The following FBXO34 variants were observed in gnomAD, a reference collection of about 807,000 sequenced individuals.
FBXO34 encodes F-box protein 34, also known as F-box only protein 34.
In FBXO34, 12 loss-of-function variants were observed where a neutral mutation model predicts 24.5. The ratio of observed to expected loss-of-function variants is 0.49; its 90% CI spans 0.31 to 0.79. FBXO34 has a LOEUF of 0.79. FBXO34 is among the 30% of genes least tolerant of loss of function. The pLI is 0.04. For missense variants in FBXO34, 823 were observed against 857.7 expected, an observed-to-expected ratio of 0.96 and a Z score of 0.51; for synonymous variants, 320 against 311.9, an observed-to-expected ratio of 1.03 and a Z score of -0.27.
downstream of FBXO34, among the ~76,000 whole-genome samples, chr14:55,363,994 G>T (rs959854208): frequency 2.0e-5 from 3 of 151,764 alleles, no homozygotes; most frequent in African/African-American, 7.3e-5. Flanking sequence ...GCCCAGGCTG[G>T]ACTGCAATGG....
the FBXO34 span, chr14:55,436,959 G>A: frequency 1.3e-3 from 2,176 of 1,614,212 alleles, 27 homozygotes; most frequent in African/African-American, 0.025. Context: ...CATTCAGTAT[G>A]TACATATCAT....
the FBXO34 span, among the ~76,000 whole-genome samples, chr14:55,428,501 C>T: frequency 6.6e-6 from 1 of 152,100 alleles, no homozygotes; most frequent in African/African-American, 2.4e-5. Flanking sequence ...CTGTCATCAC[C>T]TTTGAGCTTT....
chr14:55,323,719 C>T (rs745412993), intron 1 of FBXO34, among the ~76,000 whole-genome samples: 18 of 152,274 alleles, frequency 1.2e-4, no homozygotes, highest in Admixed American at 7.2e-4. Context: ...TATCTTTTCA[C>T]TCAGAGATCC....
intron 1 of FBXO34, among the ~76,000 whole-genome samples, chr14:55,289,703 T>TTTTA (rs752651311): frequency 7.5e-4 from 114 of 152,062 alleles, no homozygotes; most frequent in Non-Finnish European, 1.0e-3. Flanking sequence ...GTCCAGCTAG[T>TTTTA]TTTATTTATT....
At chr14:55,381,476 G>A in the FBXO34 span, among the ~76,000 whole-genome samples, 35 of 152,070 alleles carry the variant, frequency 2.3e-4, no homozygotes, top group Non-Finnish European at 4.7e-4. Context: ...CCCCCAAAAG[G>A]TGAGACATCT....
In FBXO34 at chr14:55,351,068, A is replaced by G. The variant is rs199674550; in HGVS notation, c.678A>G (p.Ser226=). The G allele has an allele frequency of 3.4e-5, 55 of 1,614,214 alleles. No individual in the cohort carries two copies. In the African/African-American group the frequency reaches 3.6e-4, roughly 11 times the overall value. The part of the protein sequence containing the change: ...QRASALLASC[S]KNCTNSPAIV... ...CCAGTGCTCTGCTAGCTAGCTGTTC[A>G]AAAAACTGCACAAACTCACCTGCAA... Residue 226 remains serine (S), a synonymous_variant, in exon 2 of 2, where the codon TCA becomes TCG. Coordinates refer to ENST00000313833, the MANE Select transcript of FBXO34 (RefSeq NM_017943.4).
At position 55,345,468 on chromosome 14, in the gene FBXO34, C is replaced by CT. The variant is rs578039234; in HGVS notation, c.-10-4912dup. ...GGCTTAGCTTAGAAAATCAGGACTT[C>CT]TCTGACCTGTTCCTATACCCTCAGG... On this transcript the variant is annotated intron_variant, in intron 1 of 1. Transcript: ENST00000313833. Among the ~76,000 whole-genome samples, 311 of 152,326 alleles carry CT rather than the reference C, an allele frequency of 2.0e-3. 2 individuals carry two copies. The highest frequency in any genetic ancestry group is 3.7e-3 in the Non-Finnish European group (252 of 68,016).
chr14:55,323,199 A>T lies in FBXO34; in HGVS notation c.-10-27182A>T, dbSNP rs1243955520. On this transcript the variant is annotated intron_variant, in intron 1 of 1. Coordinates refer to ENST00000313833, the MANE Select transcript of FBXO34 (RefSeq NM_017943.4). ...GACTCTGTCTCAAAAAAAAAAAAAAAAAAAAAAAAAAAAAAAAAAATATAT... is the reference window on the plus strand; with the variant it reads ...GACTCTGTCTCAAAAAAAAAAAAAATAAAAAAAAAAAAAAAAAAAATATAT... Among the ~76,000 whole-genome samples, 46 of 43,162 alleles carry T rather than the reference A, an allele frequency of 1.1e-3. 9 individuals carry two copies. The highest frequency in any genetic ancestry group is 7.8e-3 in the African/African-American group (28 of 3,608). The allele number at this position is 43,162 out of a possible 152,430, so 28.3% of individuals were successfully genotyped here.
chr14:55,292,677 A>T (rs964142923), intron 1 of FBXO34, among the ~76,000 whole-genome samples: 1 of 151,984 alleles, frequency 6.6e-6, no homozygotes, highest in Non-Finnish European at 1.5e-5. Context: ...AAAGTAGGAA[A>T]TGGGAGCATT....
chr14:55,390,231 C>G, the FBXO34 span, among the ~76,000 whole-genome samples: 8,842 of 152,014 alleles, frequency 0.058, 320 homozygotes, highest in South Asian at 0.089. Context: ...CCACCACGCC[C>G]GGCTAATTTT....
intron 1 of FBXO34, among the ~76,000 whole-genome samples, chr14:55,283,150 A>G (rs1008858574): frequency 6.6e-6 from 1 of 152,228 alleles, no homozygotes. Context: ...AAGGACTATC[A>G]AAATGTTTCC....
intron 1 of FBXO34, chr14:55,339,308 A>G (rs1366101341): frequency 6.6e-6 from 1 of 151,712 alleles, no homozygotes; most frequent in Non-Finnish European, 1.5e-5. Context: ...TCATAACCAT[A>G]TTAAGTAATA....
the FBXO34 span, among the ~76,000 whole-genome samples, chr14:55,435,294 T>C: frequency 6.6e-6 from 1 of 151,660 alleles, no homozygotes; most frequent in Non-Finnish European, 1.5e-5. Flanking sequence ...TTTTTTTTTT[T>C]GGAGACGGAG....
intron 1 of FBXO34, among the ~76,000 whole-genome samples, chr14:55,290,200 C>T (rs1040246699): frequency 1.3e-5 from 2 of 151,916 alleles, no homozygotes; most frequent in Non-Finnish European, 2.9e-5. Context: ...TTGAGACCAG[C>T]CTGGCCAACA....
the FBXO34 span, chr14:55,411,895 G>GCCTGGGGACGGGGGGCTGGGAT: frequency 2.2e-6 from 3 of 1,373,846 alleles, no homozygotes; most frequent in Non-Finnish European, 3.0e-6. Context: ...AGGAGGAGGG[G>GCCTGGGGACGGGGGGCTGGGAT]CCTGGGGAAG....
the FBXO34 span, among the ~76,000 whole-genome samples, chr14:55,433,338 A>G: frequency 1.4e-5 from 2 of 139,480 alleles, no homozygotes; most frequent in Admixed American, 7.3e-5. Context: ...TTTTTAACAG[A>G]GATGGAGTCT....
At chr14:55,274,777 T>A (rs1407782141) in intron 1 of FBXO34, among the ~76,000 whole-genome samples, 1 of 152,254 alleles carries the variant, frequency 6.6e-6, no homozygotes, top group Non-Finnish European at 1.5e-5. Flanking sequence ...TTAATCTTGT[T>A]TTAATATTTG....
At chr14:55,372,052 C>CCTAG (rs1453552883), downstream of FBXO34, among the ~76,000 whole-genome samples, 1 of 152,092 alleles carries the variant, frequency 6.6e-6, no homozygotes, top group Non-Finnish European at 1.5e-5. Context: ...AACAGTTCTA[C>CCTAG]TCTAGAGCCA....
the FBXO34 span, among the ~76,000 whole-genome samples, chr14:55,402,604 A>C: frequency 6.6e-6 from 1 of 152,022 alleles, no homozygotes; most frequent in Non-Finnish European, 1.5e-5. Context: ...GTATGCTTTT[A>C]TTCTTTAATC....
Sources: allele counts gnomAD v4.1 joint callset (sites outside exome capture counted in the v4.1 genomes callset), GRCh38; gene constraint gnomAD v4.1.1; transcripts MANE v1.5; gene names NCBI Gene and HGNC (gene_info 2026-07-23, HGNC 2026-07-21).